STMND1: variants seen among roughly 807,000 people sequenced by gnomAD.
STMND1 encodes the protein stathmin domain containing 1, also known as stathmin domain-containing protein 1.
Under a neutral mutation model 23.0 loss-of-function variants are expected in STMND1, and 17 were observed. The observed-to-expected ratio is 0.74, with a 90% CI of 0.51 to 1.11. The LOEUF is 1.11. Ranked by LOEUF, STMND1 falls within the 50% of genes least tolerant of loss-of-function variation. STMND1 has a pLI of 0.00. For missense variants in STMND1, 305 were observed against 329.1 expected (o/e 0.93, Z 0.57); for synonymous variants, 114 against 119.9 (o/e 0.95, Z 0.32).
Position 17,115,077 on chromosome 6 carries a change from T to C in STMND1, c.197T>C (p.Leu66Ser), listed in dbSNP as rs1248957978. 1 of 1,536,030 alleles carries C rather than the reference T, an allele frequency of 6.5e-7. No homozygotes were observed. The change falls in exon 2 of 5, where the codon TTA (leucine) becomes TCA (serine). Residue 66 changes from leucine (L) to serine (S), a missense_variant. Coordinates refer to ENST00000536551, the MANE Select transcript of STMND1 (RefSeq NM_001190766.2). ...EGLEQVQMGS[L>S]PGTISENSPS... Reference sequence around the variant, plus strand: ...CTGGAACAAGTCCAGATGGGAAGCTTACCTGGAACCATTTCAGAAAATTCT... The same window carrying C: ...CTGGAACAAGTCCAGATGGGAAGCTCACCTGGAACCATTTCAGAAAATTCT...
intron 1 of STMND1, among the ~76,000 whole-genome samples, chr6:17,104,194 T>G (rs1305564658): frequency 6.6e-6 from 1 of 152,156 alleles, no homozygotes; most frequent in Non-Finnish European, 1.5e-5. Flanking sequence ...ATTGGCCTGG[T>G]GAACTCATGA....
chr6:17,106,097 A>G (rs2113472198), intron 1 of STMND1, among the ~76,000 whole-genome samples: 1 of 151,828 alleles, frequency 6.6e-6, no homozygotes, highest in Non-Finnish European at 1.5e-5. Context: ...ATGCCTTTGC[A>G]CCTACTGTTT....
At position 17,129,154 on chromosome 6, in the gene STMND1, C is replaced by A; in HGVS notation, c.454C>A (p.Leu152Met). The A allele has an allele frequency of 2.0e-6, 3 of 1,535,866 alleles. No homozygotes were observed. Among genetic ancestry groups the A allele is most frequent in the East Asian group, 2.4e-5 (1 of 40,900 alleles). ...EKPLRKPPSR[L>M]KKLKIKKQVK... ...GCCATTGAGAAAGCCACCTTCCAGA[C>A]TGAAAAAACTCAAGATCAAAAAGCA... The change falls in exon 4 of 5, where the codon CTG becomes ATG. Residue 152 changes from leucine (L) to methionine (M), a missense_variant. Leu to Met is a conservative substitution (Grantham distance 15, BLOSUM62 2). Coordinates refer to ENST00000536551, the MANE Select transcript of STMND1 (RefSeq NM_001190766.2).
At chr6:17,122,308 C>T (rs1471538487) in intron 3 of STMND1, among the ~76,000 whole-genome samples, 1 of 148,428 alleles carries the variant, frequency 6.7e-6, no homozygotes, top group Admixed American at 6.7e-5. Flanking sequence ...CCTTGAAGTA[C>T]AGGCAGAAGA....
chr6:17,107,491 G>A (rs1761040102), intron 1 of STMND1, among the ~76,000 whole-genome samples: 1 of 152,012 alleles, frequency 6.6e-6, no homozygotes. Context: ...TACCCCCGAG[G>A]AAAAAATAGA....
chr6:17,121,274 A>C (rs886597183), intron 3 of STMND1, among the ~76,000 whole-genome samples: 5 of 152,222 alleles, frequency 3.3e-5, no homozygotes, highest in African/African-American at 1.2e-4. Flanking sequence ...AGAACAGACT[A>C]ATACACCACC....
At chr6:17,121,097 AT>A (rs1761227874) in intron 3 of STMND1, among the ~76,000 whole-genome samples, 1 of 152,228 alleles carries the variant, frequency 6.6e-6, no homozygotes, top group South Asian at 2.1e-4. Context: ...AGTGTCTGGC[AT>A]TTTCCCTGCT....
chr6:17,110,140 A>T (rs1295358376), intron 1 of STMND1, among the ~76,000 whole-genome samples: 1 of 152,176 alleles, frequency 6.6e-6, no homozygotes, highest in Non-Finnish European at 1.5e-5. Context: ...TCAAGAACCA[A>T]TTCAGGCATT....
At chr6:17,129,938 T>C (rs1000945720) in intron 4 of STMND1, among the ~76,000 whole-genome samples, 3 of 152,172 alleles carry the variant, frequency 2.0e-5, no homozygotes, top group Non-Finnish European at 4.4e-5. Context: ...TCTCCTGCCT[T>C]GGTCTCCCAA....
intron 1 of STMND1, chr6:17,110,867 G>A (rs1437975802): frequency 2.2e-6 from 1 of 455,998 alleles, no homozygotes; most frequent in Admixed American, 2.3e-5. Flanking sequence ...GAGACACTGA[G>A]GAGACTTCCT....
Position 17,126,158 on chromosome 6 carries a change from TC to T in STMND1, c.412-2952del, listed in dbSNP as rs991342306. 9.8e-5 allele frequency among the ~76,000 whole-genome samples: 14 copies of T among 142,940 alleles called. No individual in the cohort carries two copies. The East Asian group carries it at 3.0e-3, about 30-fold the overall frequency. The allele number at this position is 142,940 out of a possible 152,430, so 93.8% of individuals were successfully genotyped here. ...GTCTTGAATTTCTGAACTCAAGTGA[TC>T]CACCTGCCTTGGCCTCCCAAAGTGC... On this transcript the variant is annotated intron_variant, in intron 3 of 4. Transcript: ENST00000536551.
chr6:17,111,668 A>G (rs192696566), intron 1 of STMND1, among the ~76,000 whole-genome samples: 1 of 152,168 alleles, frequency 6.6e-6, no homozygotes, highest in Non-Finnish European at 1.5e-5. Context: ...TTAGTATGTA[A>G]TTCTTTTTAT....
At chr6:17,127,269 G>A (rs190883087) in intron 3 of STMND1, among the ~76,000 whole-genome samples, 6 of 152,304 alleles carry the variant, frequency 3.9e-5, no homozygotes, top group African/African-American at 7.2e-5. Flanking sequence ...CAATGCACAC[G>A]CTGGGCGTGG....
intron 1 of STMND1, among the ~76,000 whole-genome samples, chr6:17,107,620 G>A (rs1202895046): frequency 6.6e-6 from 1 of 151,906 alleles, no homozygotes; most frequent in Non-Finnish European, 1.5e-5. Context: ...TTCTGAGACA[G>A]GGTCTCACTC....
chr6:17,124,182 C>T (rs539288880), intron 3 of STMND1, among the ~76,000 whole-genome samples: 4 of 152,030 alleles, frequency 2.6e-5, no homozygotes, highest in Admixed American at 6.6e-5. Flanking sequence ...TCTTAACAGA[C>T]ATGTAAATAT....
intron 2 of STMND1, among the ~76,000 whole-genome samples, chr6:17,118,383 CG>C (rs1455862911): frequency 3.3e-5 from 5 of 151,754 alleles, no homozygotes; most frequent in African/African-American, 9.7e-5. Context: ...AAAGCATGGG[CG>C]TTTTTTTAAT....
intron 1 of STMND1, among the ~76,000 whole-genome samples, chr6:17,103,118 C>G (rs1232330637): frequency 3.9e-5 from 6 of 152,132 alleles, no homozygotes; most frequent in African/African-American, 1.4e-4. Context: ...CGCTAGCAAC[C>G]CTCAAGGGTC....
chr6:17,126,054 ATATATATATATATATATTTTTTTTTT>A (rs1761293425), intron 3 of STMND1, among the ~76,000 whole-genome samples: 3 of 24,102 alleles, frequency 1.2e-4, no homozygotes, highest in Admixed American at 1.0e-3. Flanking sequence ...ATATATATAT[ATATATATATATATATATTTTTTTTTT>A]TTTTTTTTTT....
intron 3 of STMND1, 72 bp from the exon 4 acceptor site, chr6:17,129,040 C>G (rs950231065): frequency 1.7e-5 from 24 of 1,441,400 alleles, no homozygotes; most frequent in Non-Finnish European, 2.1e-5. Context: ...ACTGTTTATT[C>G]TAACTCTTTT....
Sources: gnomAD v4.1 joint callset for allele counts (sites outside exome capture counted in the v4.1 genomes callset) on GRCh38, gnomAD v4.1.1 for gene constraint, MANE v1.5 for transcripts, NCBI Gene and HGNC (gene_info 2026-07-23, HGNC 2026-07-21) for gene names.